SYT14: variants seen among roughly 807,000 people sequenced by gnomAD.
SYT14 encodes the protein synaptotagmin 14, also known as synaptotagmin-14.
A neutral mutation model predicts 74.2 loss-of-function variants in SYT14; 32 were observed. That is an observed-to-expected ratio of 0.43 (90% CI 0.33 to 0.58). The LOEUF (loss-of-function observed/expected upper bound fraction) is 0.58, where lower values mean the gene tolerates loss of function less well. Among genes scored for constraint, SYT14 ranks in the 20% least tolerant of loss-of-function variants. The pLI, the probability that SYT14 is intolerant of heterozygous loss-of-function variation, is 0.05. For missense variants in SYT14, 791 were observed against 981.8 expected, an observed-to-expected ratio of 0.81 and a Z score of 2.60; for synonymous variants, 298 against 337.7, an observed-to-expected ratio of 0.88 and a Z score of 1.29.
At chr1:210,019,204 T>C (rs970608374) in intron 4 of SYT14, among the ~76,000 whole-genome samples, 2 of 149,704 alleles carry the variant, frequency 1.3e-5, no homozygotes, top group Non-Finnish European at 3.0e-5. Context: ...TGTTAGGTAA[T>C]GTTTTTTAAT....
At chr1:210,083,574 A>AT (rs1333145195) in intron 5 of SYT14, among the ~76,000 whole-genome samples, 6,782 of 143,940 alleles carry the variant, frequency 0.047, 482 homozygotes, top group African/African-American at 0.16. Flanking sequence ...CTAATTTTCA[A>AT]TTTTTTTTTT....
chr1:210,113,056 G>T (rs12409060), intron 7 of SYT14, among the ~76,000 whole-genome samples: 1 of 151,334 alleles, frequency 6.6e-6, no homozygotes. Context: ...GGCAGCCGCC[G>T]CACGCAGACA....
At chr1:210,069,578 T>G (rs1488678523) in intron 5 of SYT14, among the ~76,000 whole-genome samples, 1 of 152,020 alleles carries the variant, frequency 6.6e-6, no homozygotes, top group Admixed American at 6.6e-5. Context: ...GCTCAAAAAC[T>G]ATTTTATTTG....
chr1:210,086,536 A>G (rs546443476), intron 5 of SYT14, among the ~76,000 whole-genome samples: 84 of 152,260 alleles, frequency 5.5e-4, no homozygotes, highest in African/African-American at 1.7e-3. Flanking sequence ...CTCACTTTCA[A>G]TACACAGACT....
At chr1:209,995,764 C>T (rs1010405929) in intron 2 of SYT14, among the ~76,000 whole-genome samples, 2 of 152,056 alleles carry the variant, frequency 1.3e-5, no homozygotes, top group African/African-American at 4.8e-5. Flanking sequence ...TTCAAAAAAA[C>T]TCAAATCATA....
intron 8 of SYT14, among the ~76,000 whole-genome samples, chr1:210,157,828 C>T (rs1174148908): frequency 1.3e-5 from 2 of 151,846 alleles, no homozygotes; most frequent in Non-Finnish European, 2.9e-5. Context: ...TTGAATTTAA[C>T]TCTTTCTAGT....
intron 2 of SYT14, among the ~76,000 whole-genome samples, chr1:209,996,883 G>A (rs1029806603): frequency 8.6e-5 from 13 of 151,900 alleles, no homozygotes; most frequent in Admixed American, 7.2e-4. Flanking sequence ...CATCTCAATC[G>A]ACACAGAAAA....
intron 7 of SYT14, among the ~76,000 whole-genome samples, chr1:210,117,855 A>G (rs1456632020): frequency 2.0e-5 from 3 of 152,222 alleles, no homozygotes; most frequent in African/African-American, 4.8e-5. Flanking sequence ...TGAAATTTCA[A>G]TATGTAAAAC....
Position 210,109,743 on chromosome 1 carries a change from TTTTGCCCAGCATTCCCATTG to T in SYT14, c.2034+9283_2034+9302del, listed in dbSNP as rs746123737. 4.7e-4 allele frequency among the ~76,000 whole-genome samples: 71 copies of T among 152,128 alleles called. 1 individual carries two copies. Among genetic ancestry groups the T allele is most frequent in the Non-Finnish European group, 7.1e-4 (48 of 68,024 alleles). ...CAAGGATCTAGAACCAGAAATACCA[TTTTGCCCAGCATTCCCATTG>T]CTGAGTATATACCCAAAGGATTGTA... On this transcript the variant is annotated intron_variant, in intron 7 of 9. Transcript: ENST00000637265.
chr1:209,951,753 A>ATATATGTG (rs1186965507), intron 1 of SYT14, among the ~76,000 whole-genome samples: 6 of 152,220 alleles, frequency 3.9e-5, no homozygotes, highest in African/African-American at 1.4e-4. Flanking sequence ...GTATGCATGA[A>ATATATGTG]TATATGTGTA....
exon 6 of SYT14, chr1:210,094,343 G>A (rs1219189034): frequency 6.2e-7 from 1 of 1,613,892 alleles, no homozygotes; most frequent in South Asian, 1.1e-5. Context: ...CAGAGAATGA[G>A]AAGAACACCC....
chr1:209,974,080 T>A (rs556003453), intron 2 of SYT14, among the ~76,000 whole-genome samples: 1 of 152,290 alleles, frequency 6.6e-6, no homozygotes, highest in African/African-American at 2.4e-5. Flanking sequence ...CTTGTAAATT[T>A]GTTTGAGTTC....
chr1:210,075,241 C>T (rs1441799899), intron 5 of SYT14, among the ~76,000 whole-genome samples: 1 of 152,168 alleles, frequency 6.6e-6, no homozygotes, highest in Non-Finnish European at 1.5e-5. Context: ...GCGTGCTCCC[C>T]TCGATGTCCT....
intron 5 of SYT14, among the ~76,000 whole-genome samples, chr1:210,064,073 G>C (rs1274885132): frequency 3.3e-5 from 5 of 151,774 alleles, no homozygotes; most frequent in African/African-American, 1.2e-4. Context: ...TTTCTATTTA[G>C]TTTTTCACTG....
At chr1:210,055,593 G>T (rs1243274882) in intron 5 of SYT14, among the ~76,000 whole-genome samples, 1 of 151,700 alleles carries the variant, frequency 6.6e-6, no homozygotes, top group African/African-American at 2.4e-5. Flanking sequence ...AAGTCAGGAA[G>T]ATTCCTTGAA....
chr1:210,016,043 G>T, exon 4 of SYT14: 1 of 1,232,086 alleles, frequency 8.1e-7, no homozygotes, highest in Non-Finnish European at 1.0e-6. Flanking sequence ...TCTGCCTTCA[G>T]TGTCCTCTCT....
At position 210,022,449 on chromosome 1, in the gene SYT14, A is replaced by G. The variant is rs889109419; in HGVS notation, c.1312+1195A>G. Reference sequence around the variant, plus strand: ...AATAAGACATGTGCTTACTAAGTTAATTAAATAATACAAAGCAGTAAAACC... The same window carrying G: ...AATAAGACATGTGCTTACTAAGTTAGTTAAATAATACAAAGCAGTAAAACC... On this transcript the variant is annotated intron_variant, in intron 5 of 9. Transcript: ENST00000637265. 8.5e-5 allele frequency among the ~76,000 whole-genome samples: 13 copies of G among 152,240 alleles called. 1 individual carries two copies. Among genetic ancestry groups the G allele is most frequent in the Non-Finnish European group, 1.2e-4 (8 of 68,036 alleles).
chr1:210,149,606 A>G (rs976085025), intron 7 of SYT14, among the ~76,000 whole-genome samples: 13 of 152,156 alleles, frequency 8.5e-5, no homozygotes, highest in Non-Finnish European at 1.8e-4. Context: ...TCTATCTTAA[A>G]TCTTAGATAT....
intron 2 of SYT14, among the ~76,000 whole-genome samples, chr1:209,990,210 A>G (rs1421993831): frequency 6.6e-6 from 1 of 152,014 alleles, no homozygotes; most frequent in African/African-American, 2.4e-5. Context: ...ATATATAAAA[A>G]ATGTTAGAAT....
Sources: gnomAD v4.1 joint callset for allele counts (sites outside exome capture counted in the v4.1 genomes callset) on GRCh38, gnomAD v4.1.1 for gene constraint, MANE v1.5 for transcripts, NCBI Gene and HGNC (gene_info 2026-07-23, HGNC 2026-07-21) for gene names.